Variants in WASF1 observed in about 807,000 individuals in gnomAD.
The protein encoded by WASF1 is WASP family member 1.
A neutral mutation model predicts 50.5 loss-of-function variants in WASF1; 7 were observed. The ratio of observed to expected loss-of-function variants is 0.14; its 90% CI spans 0.08 to 0.26. The LOEUF (loss-of-function observed/expected upper bound fraction) is 0.26. WASF1 is among the 10% of genes least tolerant of loss of function. WASF1 has a pLI of 1.00. For synonymous variants in WASF1, 205 were observed against 244.0 expected (o/e 0.84, Z 1.49); for missense variants, 470 against 694.7 (o/e 0.68, Z 3.64).
At chr6:110,109,712 C>T (rs374649318) in intron 5 of WASF1, among the ~76,000 whole-genome samples, 1 of 151,408 alleles carries the variant, frequency 6.6e-6, no homozygotes, top group Non-Finnish European at 1.5e-5. Context: ...CCACCATGGC[C>T]GACTAATTTT....
intron 3 of WASF1, among the ~76,000 whole-genome samples, chr6:110,132,617 G>T (rs1774733398): frequency 6.6e-6 from 1 of 151,890 alleles, no homozygotes; most frequent in African/African-American, 2.4e-5. Context: ...TGATTTCTGA[G>T]ATTTTGGTGT....
intron 3 of WASF1, among the ~76,000 whole-genome samples, chr6:110,142,041 T>C (rs1775266170): frequency 6.6e-6 from 1 of 152,282 alleles, no homozygotes; most frequent in East Asian, 1.9e-4. Context: ...CTAAAGCAAC[T>C]ACTTAATCAT....
At chr6:110,141,326 T>G (rs1775224166) in intron 3 of WASF1, among the ~76,000 whole-genome samples, 1 of 152,204 alleles carries the variant, frequency 6.6e-6, no homozygotes, top group Non-Finnish European at 1.5e-5. Context: ...TATATCTTAC[T>G]GTTTTATAGT....
chr6:110,121,573 T>G (rs1221063552), intron 4 of WASF1, among the ~76,000 whole-genome samples: 1 of 152,222 alleles, frequency 6.6e-6, no homozygotes, highest in African/African-American at 2.4e-5. Context: ...GGAACACTTT[T>G]ACACTATTGG....
At chr6:110,115,665 G>A (rs73535810) in intron 4 of WASF1, among the ~76,000 whole-genome samples, 35,291 of 152,122 alleles carry the variant, frequency 0.23, 6,218 homozygotes, top group African/African-American at 0.49. Flanking sequence ...ATGGTATTCT[G>A]TGGAAGACTG....
chr6:110,178,998 G>C (rs962065765), intron 1 of WASF1, among the ~76,000 whole-genome samples: 1 of 152,212 alleles, frequency 6.6e-6, no homozygotes, highest in African/African-American at 2.4e-5. Context: ...GAGCAAACAC[G>C]CAAACGCACG....
chr6:110,108,740 G>T (rs1773433292), intron 5 of WASF1, 59 bp from the exon 6 acceptor site: 1 of 1,499,716 alleles, frequency 6.7e-7, no homozygotes, highest in Non-Finnish European at 9.1e-7. Context: ...TTAACATAAG[G>T]GCAAATTCAC....
intron 3 of WASF1, among the ~76,000 whole-genome samples, chr6:110,131,757 C>T (rs1487042725): frequency 1.3e-5 from 2 of 152,158 alleles, no homozygotes; most frequent in Non-Finnish European, 2.9e-5. Flanking sequence ...CCCACCTCAG[C>T]CTCCCAAAGT....
chr6:110,119,203 C>T (rs897241789), intron 4 of WASF1, among the ~76,000 whole-genome samples: 8 of 151,876 alleles, frequency 5.3e-5, no homozygotes, highest in Middle Eastern at 3.2e-3. Flanking sequence ...CAGAGCAGAA[C>T]TGAAGGAGAC....
chr6:110,159,291 A>G (rs1345865252), intron 3 of WASF1, among the ~76,000 whole-genome samples: 1 of 151,960 alleles, frequency 6.6e-6, no homozygotes, highest in Non-Finnish European at 1.5e-5. Flanking sequence ...TGCATTTGGA[A>G]AAAACACAAA....
chr6:110,141,497 A>C (rs556028606), intron 3 of WASF1, among the ~76,000 whole-genome samples: 9 of 152,232 alleles, frequency 5.9e-5, no homozygotes, highest in African/African-American at 2.2e-4. Flanking sequence ...TGATGCCCTC[A>C]ACATGGATCC....
chr6:110,168,690 T>C (rs1467981864), intron 2 of WASF1, among the ~76,000 whole-genome samples: 2 of 152,064 alleles, frequency 1.3e-5, no homozygotes, highest in Non-Finnish European at 2.9e-5. Context: ...CTGCCAGTAC[T>C]TCCAGTCCTG....
chr6:110,123,898 A>G (rs1175304301), intron 4 of WASF1, among the ~76,000 whole-genome samples: 1 of 152,128 alleles, frequency 6.6e-6, no homozygotes, highest in Non-Finnish European at 1.5e-5. Context: ...TATATTCCAT[A>G]AGAGAAAAGC....
intron 4 of WASF1, among the ~76,000 whole-genome samples, chr6:110,118,346 G>GAA (rs1773906085): frequency 2.1e-4 from 1 of 4,736 alleles, no homozygotes; most frequent in Non-Finnish European, 4.0e-4. Flanking sequence ...CAAACGGAAA[G>GAA]CAAAAAAAAA....
At chr6:110,108,454 A>C in intron 6 of WASF1, 74 bp downstream of exon 6, 1 of 1,432,674 alleles carries the variant, frequency 7.0e-7, no homozygotes, top group Non-Finnish European at 9.5e-7. Context: ...TGAAATAAAG[A>C]ATGTTTGGGG....
chr6:110,166,752 CA>C (rs1207055018), intron 2 of WASF1, among the ~76,000 whole-genome samples: 1 of 151,886 alleles, frequency 6.6e-6, no homozygotes, highest in African/African-American at 2.4e-5. Flanking sequence ...ACAAACTGTG[CA>C]AAGAATCTTA....
rs1773010476 is a variant in WASF1, at chr6:110,099,881, T to TG, written c.*640dup. ...ATTCTTAACAGTTATGTAAGTTACA[T>TG]GTATGTTTAAGTCAGAGTATTTCAC... On this transcript the variant is annotated 3_prime_UTR_variant, in exon 11 of 11. Transcript: ENST00000392589. The TG allele has an allele frequency of 6.5e-6, 1 of 152,682 alleles. No individual in the cohort carries two copies. Among genetic ancestry groups the TG allele is most frequent in the Non-Finnish European group, 1.5e-5 (1 of 68,048 alleles). The allele number at this position is 152,682 out of a possible 1,614,324, so 9.5% of individuals were successfully genotyped here.
chr6:110,126,384 C>A (rs377707308), intron 4 of WASF1, among the ~76,000 whole-genome samples: 2 of 152,020 alleles, frequency 1.3e-5, no homozygotes, highest in East Asian at 1.9e-4. Context: ...TTTATTTATT[C>A]TTACTATTTC....
intron 4 of WASF1, among the ~76,000 whole-genome samples, chr6:110,121,676 A>C (rs1482713582): frequency 7.2e-5 from 11 of 152,380 alleles, no homozygotes; most frequent in East Asian, 5.8e-4. Context: ...CAGCGATCCC[A>C]TTACTGGGTA....
Sources: gnomAD v4.1 joint callset for allele counts (sites outside exome capture counted in the v4.1 genomes callset) on GRCh38, gnomAD v4.1.1 for gene constraint, MANE v1.5 for transcripts, NCBI Gene and HGNC (gene_info 2026-07-23, HGNC 2026-07-21) for gene names.